Variants in MCM9 observed in about 807,000 individuals in gnomAD.
The protein encoded by MCM9 is DNA helicase MCM9.
In MCM9, 55 loss-of-function variants were observed where a neutral mutation model predicts 72.8. The observed-to-expected ratio is 0.76, with a 90% confidence interval of 0.61 to 0.95. The LOEUF is 0.95. MCM9 is among the 40% of genes least tolerant of loss of function. The probability of loss-of-function intolerance (pLI) is 0.00; values close to 1 mark genes in which losing one functional copy is unlikely to be tolerated. For synonymous variants in MCM9, 480 were observed against 503.4 expected, an observed-to-expected ratio of 0.95 and a Z score of 0.62; for missense variants, 1,279 against 1,377.0, an observed-to-expected ratio of 0.93 and a Z score of 1.13.
intron 13 of MCM9, among the ~76,000 whole-genome samples, chr6:118,824,515 G>C: frequency 6.6e-6 from 1 of 152,004 alleles, no homozygotes; most frequent in East Asian, 1.9e-4. Context: ...CACCATGTTG[G>C]CCAGGCTGGT....
chr6:118,836,974 A>C (rs1421129549), intron 9 of MCM9, among the ~76,000 whole-genome samples: 1 of 152,096 alleles, frequency 6.6e-6, no homozygotes, highest in Non-Finnish European at 1.5e-5. Context: ...TGGGGTGCTG[A>C]ATTTAGATCT....
chr6:118,910,537 A>G (rs1780468777), intron 8 of MCM9: 1 of 831,620 alleles, frequency 1.2e-6, no homozygotes, highest in African/African-American at 1.8e-5. Flanking sequence ...TCATCCACTT[A>G]GATGGCTTGG....
chr6:118,905,613 T>G, intron 8 of MCM9: 1 of 1,521,136 alleles, frequency 6.6e-7, no homozygotes, highest in Non-Finnish European at 8.9e-7. Flanking sequence ...TAACAGCCTT[T>G]TGTGTGTGTG....
chr6:118,913,073 T>C (rs143110590), intron 7 of MCM9: 7 of 521,328 alleles, frequency 1.3e-5, no homozygotes, highest in African/African-American at 3.8e-5. Flanking sequence ...CAAAAGTATA[T>C]GCCATAGAAA....
chr6:118,877,669 T>C lies in MCM9; in HGVS notation c.1151-21124A>G, dbSNP rs184620257. On this transcript the variant is annotated intron_variant, in intron 8 of 13. Coordinates refer to ENST00000619706, the MANE Select transcript of MCM9 (RefSeq NM_017696.3). ...CAAAAGTTTCAGTTATACATACTCATGTACTCAGAAACTTCACTGCTAAGT... is the reference window on the plus strand; with the variant it reads ...CAAAAGTTTCAGTTATACATACTCACGTACTCAGAAACTTCACTGCTAAGT... 4.6e-3 allele frequency among the ~76,000 whole-genome samples: 705 copies of C among 152,306 alleles called. 3 individuals are homozygous for C. Among genetic ancestry groups the C allele is most frequent in the Non-Finnish European group, 6.7e-3 (453 of 68,020 alleles).
chr6:118,892,406 A>AT (rs1164567464), intron 8 of MCM9, among the ~76,000 whole-genome samples: 3 of 152,228 alleles, frequency 2.0e-5, no homozygotes, highest in African/African-American at 4.8e-5. Flanking sequence ...AACTAGTCTC[A>AT]TTGTAACACT....
At chr6:118,856,785 GC>G (rs1776581162) in intron 8 of MCM9, among the ~76,000 whole-genome samples, 1 of 152,100 alleles carries the variant, frequency 6.6e-6, no homozygotes, top group African/African-American at 2.4e-5. Flanking sequence ...GAAGGCTGAG[GC>G]GGGAGGATCG....
chr6:118,843,702 A>ATATATATG (rs1562407268), intron 9 of MCM9, among the ~76,000 whole-genome samples: 1 of 44,828 alleles, frequency 2.2e-5, no homozygotes, highest in Non-Finnish European at 4.2e-5. Context: ...ATATATATAT[A>ATATATATG]TGTATGTATA....
intron 8 of MCM9, among the ~76,000 whole-genome samples, chr6:118,879,742 A>G (rs1314438462): frequency 6.6e-6 from 1 of 152,060 alleles, no homozygotes; most frequent in Non-Finnish European, 1.5e-5. Flanking sequence ...TAAAAAAAAA[A>G]AAAACTAATA....
chr6:118,829,630 G>A (rs1023392282), intron 9 of MCM9, among the ~76,000 whole-genome samples: 1 of 152,132 alleles, frequency 6.6e-6, no homozygotes, highest in Non-Finnish European at 1.5e-5. Flanking sequence ...GGGGAAATAG[G>A]GATGATGTAT....
At chr6:118,853,277 A>G (rs1776341107) in intron 9 of MCM9, among the ~76,000 whole-genome samples, 1 of 152,208 alleles carries the variant, frequency 6.6e-6, no homozygotes, top group African/African-American at 2.4e-5. Context: ...CTTCCATTGA[A>G]GAGTCTATCC....
At chr6:118,834,027 G>GC (rs1239693105) in intron 9 of MCM9, among the ~76,000 whole-genome samples, 2 of 151,300 alleles carry the variant, frequency 1.3e-5, no homozygotes, top group South Asian at 2.1e-4. Flanking sequence ...CCCTCCCCTA[G>GC]CCCCCCACCC....
intron 9 of MCM9, among the ~76,000 whole-genome samples, chr6:118,840,677 C>A (rs1775296266): frequency 6.6e-6 from 1 of 151,416 alleles, no homozygotes; most frequent in Non-Finnish European, 1.5e-5. Context: ...GGTATTCTCA[C>A]AATCCATTAT....
intron 7 of MCM9, 161 bp downstream of exon 7, chr6:118,913,134 T>C (rs558723048): frequency 3.1e-5 from 23 of 752,906 alleles, no homozygotes; most frequent in Non-Finnish European, 3.9e-5. Context: ...GCTTCTGATA[T>C]ACAGATGCTA....
At chr6:118,844,595 T>C (rs1005182679) in intron 9 of MCM9, among the ~76,000 whole-genome samples, 1 of 151,384 alleles carries the variant, frequency 6.6e-6, no homozygotes, top group Non-Finnish European at 1.5e-5. Context: ...ACAGATCACG[T>C]AATTGGTGAC....
At chr6:118,869,524 G>T (rs764430021) in intron 8 of MCM9, among the ~76,000 whole-genome samples, 4 of 122,170 alleles carry the variant, frequency 3.3e-5, no homozygotes, top group African/African-American at 1.2e-4. Context: ...AAAGAGAAAA[G>T]ATCCAAAGCA....
rs1385653719 is a variant in MCM9, at chr6:118,815,519, G to A, written c.2737C>T (p.Pro913Ser). The change falls in exon 14 of 14, where the codon CCA becomes TCA. Residue 913 changes from proline (P) to serine (S), a missense_variant. Coordinates refer to ENST00000619706, the MANE Select transcript of MCM9 (RefSeq NM_017696.3). ...EEPAIENVKPPGSPVAKLAKF... is the reference protein window; with the variant it reads ...EEPAIENVKPSGSPVAKLAKF... ...GCCAGTTTGGCCACAGGGGAACCTG[G>A]AGGCTTAACATTTTCAATTGCAGGC... 1.9e-6 allele frequency: 3 copies of A among 1,548,138 alleles called. No homozygotes were observed. In the Admixed American group the frequency reaches 5.9e-5, roughly 31 times the overall value.
chr6:118,911,618 G>A, intron 8 of MCM9, 32 bp downstream of exon 8: 1 of 1,589,186 alleles, frequency 6.3e-7, no homozygotes, highest in Non-Finnish European at 8.6e-7. Flanking sequence ...CTGAAGTAAT[G>A]TTAAATTACT....
At position 118,814,982 on chromosome 6, in the gene MCM9, T is replaced by C. The variant is rs1773317849; in HGVS notation, c.3274A>G (p.Thr1092Ala). The C allele has an allele frequency of 6.5e-7, 1 of 1,550,206 alleles. No individual in the cohort carries two copies. The highest frequency in any genetic ancestry group is 1.2e-5 in the South Asian group (1 of 84,028). ...TTACTGACACGCATTGGAGCTGTGG[T>C]TGTAGGAGGGGAGCTTGGGCCTCTC... ...GERGPSSPPTTTAPMRVSKRK... is the reference protein window; with the variant it reads ...GERGPSSPPTATAPMRVSKRK... The change falls in exon 14 of 14, where the codon ACC becomes GCC. Residue 1092 changes from threonine (T) to alanine (A), a missense_variant. Transcript: ENST00000619706.
Sources: allele counts gnomAD v4.1 joint callset (sites outside exome capture counted in the v4.1 genomes callset), GRCh38; gene constraint gnomAD v4.1.1; transcripts MANE v1.5; gene names NCBI Gene and HGNC (gene_info 2026-07-23, HGNC 2026-07-21).